FAM117B: variants seen among roughly 807,000 people sequenced by gnomAD.
FAM117B encodes family with sequence similarity 117 member B, also known as protein FAM117B.
A neutral mutation model predicts 52.8 loss-of-function variants in FAM117B; 22 were observed. The ratio of observed to expected loss-of-function variants is 0.42; its 90% CI spans 0.30 to 0.59. The LOEUF (loss-of-function observed/expected upper bound fraction) is 0.59. FAM117B is among the 20% of genes least tolerant of loss of function. The pLI is 0.22. For synonymous variants in FAM117B, 309 were observed against 324.1 expected, an observed-to-expected ratio of 0.95 and a Z score of 0.50; for missense variants, 678 against 802.6, an observed-to-expected ratio of 0.84 and a Z score of 1.88.
chr2:202,720,556 CATA>C (rs2105785530), intron 2 of FAM117B, among the ~76,000 whole-genome samples: 1 of 151,492 alleles, frequency 6.6e-6, no homozygotes, highest in African/African-American at 2.4e-5. Context: ...TTAACAATTC[CATA>C]ATATCACATA....
chr2:202,733,276 A>G (rs1399281621), intron 4 of FAM117B, among the ~76,000 whole-genome samples: 1 of 152,218 alleles, frequency 6.6e-6, no homozygotes, highest in Non-Finnish European at 1.5e-5. Context: ...CAAAGGGCAA[A>G]CTTAGAATTA....
At chr2:202,690,410 A>G (rs1690602945) in intron 1 of FAM117B, among the ~76,000 whole-genome samples, 1 of 152,176 alleles carries the variant, frequency 6.6e-6, no homozygotes, top group Admixed American at 6.5e-5. Flanking sequence ...TATTGCCTGT[A>G]TCAGGGTTTG....
intron 1 of FAM117B, among the ~76,000 whole-genome samples, chr2:202,637,289 G>C (rs903338570): frequency 4.1e-5 from 6 of 146,176 alleles, no homozygotes; most frequent in African/African-American, 1.5e-4. Context: ...ACGGAGTCTT[G>C]CTCAGCTGCC....
intron 2 of FAM117B, among the ~76,000 whole-genome samples, chr2:202,704,496 CAA>C (rs1179713125): frequency 4.6e-5 from 7 of 152,174 alleles, no homozygotes; most frequent in African/African-American, 1.7e-4. Flanking sequence ...ACTGCTGCAG[CAA>C]AGAGTATGTT....
chr2:202,646,858 A>G (rs1417390416), intron 1 of FAM117B, among the ~76,000 whole-genome samples: 3 of 152,182 alleles, frequency 2.0e-5, no homozygotes, highest in Non-Finnish European at 4.4e-5. Context: ...AGTGATAACA[A>G]TAGTTTTATC....
At chr2:202,711,033 C>T (rs1001898790) in intron 2 of FAM117B, among the ~76,000 whole-genome samples, 4 of 152,086 alleles carry the variant, frequency 2.6e-5, no homozygotes, top group Admixed American at 2.0e-4. Flanking sequence ...GTGCAGATAC[C>T]TTTTCAATAT....
At chr2:202,643,208 T>C (rs980334782) in intron 1 of FAM117B, among the ~76,000 whole-genome samples, 1 of 152,178 alleles carries the variant, frequency 6.6e-6, no homozygotes, top group African/African-American at 2.4e-5. Context: ...ATTTACAGGA[T>C]GTGGAAAACT....
At chr2:202,668,030 A>G (rs1452298305) in intron 1 of FAM117B, among the ~76,000 whole-genome samples, 1 of 149,822 alleles carries the variant, frequency 6.7e-6, no homozygotes, top group Non-Finnish European at 1.5e-5. Flanking sequence ...TGCTTAGGCA[A>G]CACAGTAAGG....
chr2:202,736,725 C>T (rs1017579209), intron 4 of FAM117B, among the ~76,000 whole-genome samples: 8 of 152,024 alleles, frequency 5.3e-5, no homozygotes, highest in Admixed American at 1.3e-4. Flanking sequence ...TTGCCCCTAC[C>T]GCACTCTAGC....
intron 4 of FAM117B, among the ~76,000 whole-genome samples, chr2:202,742,046 C>G (rs1691551073): frequency 6.6e-6 from 1 of 152,178 alleles, no homozygotes; most frequent in African/African-American, 2.4e-5. Flanking sequence ...AGATACAAAG[C>G]AGACCTGTAC....
intron 2 of FAM117B, among the ~76,000 whole-genome samples, chr2:202,722,527 T>C (rs1043773291): frequency 6.6e-6 from 1 of 152,082 alleles, no homozygotes; most frequent in Admixed American, 6.6e-5. Context: ...TGCAGGAACA[T>C]GGATGGAGCT....
chr2:202,757,806 A>G (rs1691826660), intron 6 of FAM117B, among the ~76,000 whole-genome samples: 3 of 152,224 alleles, frequency 2.0e-5, no homozygotes, highest in African/African-American at 7.2e-5. Context: ...AATCAATACA[A>G]AGCCTTCAAG....
chr2:202,635,893 T>TGGCTGGGGGCGG (rs1347372764), intron 1 of FAM117B, 105 bp downstream of exon 1: 19 of 975,234 alleles, frequency 1.9e-5, no homozygotes, highest in Non-Finnish European at 2.1e-5. Context: ...GGAGCCCGGG[T>TGGCTGGGGGCGG]GGCTGGGGGC....
At chr2:202,721,922 A>G (rs1291816857) in intron 2 of FAM117B, among the ~76,000 whole-genome samples, 1 of 152,026 alleles carries the variant, frequency 6.6e-6, no homozygotes, top group East Asian at 1.9e-4. Context: ...ATGCATAAGC[A>G]TGAGCCGCTG....
intron 4 of FAM117B, among the ~76,000 whole-genome samples, chr2:202,752,633 A>G (rs1368675709): frequency 6.6e-6 from 1 of 152,136 alleles, no homozygotes; most frequent in African/African-American, 2.4e-5. Flanking sequence ...GGTTTTCCAA[A>G]GAAACTTTCC....
chr2:202,750,082 G>C lies in FAM117B; in HGVS notation c.961-5456G>C, dbSNP rs892254193. Among the ~76,000 whole-genome samples, 3 of 152,192 alleles carry C rather than the reference G, an allele frequency of 2.0e-5. 1 individual carries two copies. The highest frequency in any genetic ancestry group is 4.1e-4 in the South Asian group (2 of 4,830). ...GCCAGCAGGGTTGGTATTTGGTTGA[G>C]GGTTCTCCCCTTGGGTTGCAGACAG... On this transcript the variant is annotated intron_variant, in intron 4 of 7. Transcript: ENST00000392238.
intron 1 of FAM117B, among the ~76,000 whole-genome samples, chr2:202,660,428 C>G (rs559982223): frequency 5.9e-5 from 9 of 152,116 alleles, no homozygotes; most frequent in Admixed American, 2.0e-4. Context: ...CTATTTGGGT[C>G]TGTCTTTTGT....
In FAM117B at chr2:202,635,701, G is replaced by T; in HGVS notation, c.514G>T (p.Ala172Ser). 7.0e-7 allele frequency: 1 copy of T among 1,429,448 alleles called. No individual in the cohort carries two copies. The highest frequency in any genetic ancestry group is 1.4e-5 in the South Asian group (1 of 73,014). 88.5% of individuals were successfully genotyped at this position (1,429,448 alleles called of 1,614,324 possible). ...TGEVSAAPPP[A>S]RVRHRRRSPE... Reference sequence around the variant, plus strand: ...CGAGGTGAGCGCGGCCCCACCCCCAGCCCGCGTCCGGCATCGGAGGAGGTC... The same window carrying T: ...CGAGGTGAGCGCGGCCCCACCCCCATCCCGCGTCCGGCATCGGAGGAGGTC... Residue 172 changes from alanine to serine, a missense_variant, in exon 1 of 8, where the codon GCC (alanine) becomes TCC (serine). Ala to Ser is a moderately conservative substitution (Grantham distance 99, BLOSUM62 1). Transcript: ENST00000392238.
intron 2 of FAM117B, 133 bp from the exon 3 acceptor site, chr2:202,724,784 G>C (rs1218300086): frequency 2.0e-6 from 1 of 509,678 alleles, no homozygotes; most frequent in Non-Finnish European, 3.2e-6. Flanking sequence ...GGAGAATTTT[G>C]AGTAATTTGT....
Sources: gnomAD v4.1 joint callset for allele counts (sites outside exome capture counted in the v4.1 genomes callset) on GRCh38, gnomAD v4.1.1 for gene constraint, MANE v1.5 for transcripts, NCBI Gene and HGNC (gene_info 2026-07-23, HGNC 2026-07-21) for gene names.